Variants in KCNMB2 observed in about 807,000 individuals in gnomAD.
The protein encoded by KCNMB2 is calcium-activated potassium channel subunit beta-2.
A neutral mutation model predicts 24.5 loss-of-function variants in KCNMB2; 9 were observed. That is an observed-to-expected ratio of 0.37 (90% CI 0.22 to 0.64). KCNMB2 has a LOEUF of 0.64. KCNMB2 is among the 30% of genes least tolerant of loss of function. KCNMB2 has a pLI of 0.63. For synonymous variants in KCNMB2, 109 were observed against 104.4 expected, an observed-to-expected ratio of 1.04 and a Z score of -0.27; for missense variants, 226 against 284.3, an observed-to-expected ratio of 0.79 and a Z score of 1.47.
rs183852653 is a variant in KCNMB2 at position 178,680,402 on chromosome 3, G to C, written c.-67-126941G>C. 4.6e-5 allele frequency among the ~76,000 whole-genome samples: 7 copies of C among 152,202 alleles called. No homozygotes were observed. The East Asian group carries it at 1.4e-3, about 29-fold the overall frequency. ...CACCTACCTGTGCTATCTGGAGGCT[G>C]GTTGTCACTCACCTGGGCTATTCTT... On this transcript the variant is annotated intron_variant, in intron 1 of 4. Coordinates refer to ENST00000452583, the MANE Select transcript of KCNMB2 (RefSeq NM_181361.3).
At chr3:178,825,496 C>A in intron 2 of KCNMB2, 92 bp from the exon 3 acceptor site, 2 of 1,065,182 alleles carry the variant, frequency 1.9e-6, no homozygotes, top group Non-Finnish European at 2.8e-6. Flanking sequence ...GTTTGGAGGG[C>A]CCTAGGAAGG....
chr3:178,754,161 T>TAC (rs1723942870), intron 1 of KCNMB2, among the ~76,000 whole-genome samples: 1 of 77,732 alleles, frequency 1.3e-5, no homozygotes, highest in Admixed American at 1.2e-4. Flanking sequence ...TATATATATA[T>TAC]ATATATATAT....
At chr3:178,694,951 C>T (rs997432543) in intron 1 of KCNMB2, among the ~76,000 whole-genome samples, 38 of 152,242 alleles carry the variant, frequency 2.5e-4, no homozygotes, top group African/African-American at 8.9e-4. Flanking sequence ...TGTGGTGGCT[C>T]CAACCCCAGA....
chr3:178,759,082 C>A (rs1577161253), intron 1 of KCNMB2, among the ~76,000 whole-genome samples: 1 of 7,030 alleles, frequency 1.4e-4, no homozygotes, highest in Non-Finnish European at 2.1e-4. Context: ...TATATATCTC[C>A]AAGAGGGATA....
chr3:178,665,186 C>A (rs1449576475), intron 1 of KCNMB2, among the ~76,000 whole-genome samples: 3 of 152,112 alleles, frequency 2.0e-5, no homozygotes, highest in Non-Finnish European at 4.4e-5. Flanking sequence ...TCTGATCAAC[C>A]TTTAAGGTTC....
intron 1 of KCNMB2, among the ~76,000 whole-genome samples, chr3:178,676,761 C>T (rs1040449135): frequency 6.7e-6 from 1 of 150,148 alleles, no homozygotes; most frequent in African/African-American, 2.5e-5. Context: ...TTGCATGCTA[C>T]ACAACTTTCT....
chr3:178,592,935 C>T lies in KCNMB2; in HGVS notation c.-68+56224C>T, dbSNP rs187287424. ...TGCTTTAACGTGGTCCCAGAAAACA[C>T]CATTTAATATTCCAAATGTTTTGGC... On this transcript the variant is annotated intron_variant, in intron 1 of 4. Coordinates refer to ENST00000452583, the MANE Select transcript of KCNMB2 (RefSeq NM_181361.3). 3.4e-3 allele frequency among the ~76,000 whole-genome samples: 517 copies of T among 152,114 alleles called. 4 individuals are homozygous for T. Among genetic ancestry groups the T allele is most frequent in the African/African-American group, 0.012 (492 of 41,502 alleles).
chr3:178,693,248 T>C (rs1018406283), intron 1 of KCNMB2, among the ~76,000 whole-genome samples: 2 of 152,238 alleles, frequency 1.3e-5, no homozygotes, highest in African/African-American at 2.4e-5. Flanking sequence ...TATTTCTTTC[T>C]TTTGCCTGAT....
chr3:178,843,375 G>A lies in KCNMB2; in HGVS notation c.*438G>A, dbSNP rs1297560378. 3.5e-6 allele frequency: 1 copy of A among 283,560 alleles called. No individual in the cohort carries two copies. The highest frequency in any genetic ancestry group is 7.1e-6 in the Non-Finnish European group (1 of 141,428). The allele number at this position is 283,560 out of a possible 1,614,324, so 17.6% of individuals were successfully genotyped here. A position where few individuals can be genotyped will look rare whatever the true frequency, so the allele number is the denominator to read the frequency against. ...ATTTTTTTTTCTTATTCTAAACTGA[G>A]CCCTATAGCAAGTGAAGGGACCAGA... On this transcript the variant is annotated 3_prime_UTR_variant, in exon 5 of 5. Coordinates refer to ENST00000452583, the MANE Select transcript of KCNMB2 (RefSeq NM_181361.3).
At chr3:178,710,754 C>G (rs567659123) in intron 1 of KCNMB2, among the ~76,000 whole-genome samples, 1 of 152,216 alleles carries the variant, frequency 6.6e-6, no homozygotes, top group Admixed American at 6.5e-5. Flanking sequence ...TAGAAAGCAC[C>G]TTGAAAGTTT....
At chr3:178,734,827 C>G (rs375905412) in intron 1 of KCNMB2, among the ~76,000 whole-genome samples, 1 of 152,182 alleles carries the variant, frequency 6.6e-6, no homozygotes, top group African/African-American at 2.4e-5. Flanking sequence ...CCAAGAACCA[C>G]TTTTGTCTCA....
chr3:178,645,032 T>C (rs1482904810), intron 1 of KCNMB2, among the ~76,000 whole-genome samples: 1 of 151,264 alleles, frequency 6.6e-6, no homozygotes, highest in East Asian at 1.9e-4. Flanking sequence ...CCCTCCCTTG[T>C]TTAAGATCCA....
chr3:178,602,629 G>A (rs1481675954), intron 1 of KCNMB2, among the ~76,000 whole-genome samples: 1 of 152,084 alleles, frequency 6.6e-6, no homozygotes, highest in South Asian at 2.1e-4. Flanking sequence ...AGCCAGCCAG[G>A]TGGAAAGGAA....
chr3:178,682,272 G>A (rs1209153983), intron 1 of KCNMB2, among the ~76,000 whole-genome samples: 1 of 152,192 alleles, frequency 6.6e-6, no homozygotes, highest in Non-Finnish European at 1.5e-5. Flanking sequence ...TTGTTGTGGA[G>A]ATAAAGAGAG....
chr3:178,675,328 A>T (rs1577088905), intron 1 of KCNMB2, among the ~76,000 whole-genome samples: 1 of 152,208 alleles, frequency 6.6e-6, no homozygotes, highest in African/African-American at 2.4e-5. Flanking sequence ...GTTTGAAACA[A>T]AGGATCTTAT....
At chr3:178,625,755 A>G (rs1013205967) in intron 1 of KCNMB2, among the ~76,000 whole-genome samples, 1 of 152,204 alleles carries the variant, frequency 6.6e-6, no homozygotes, top group African/African-American at 2.4e-5. Flanking sequence ...TCAACTCCTC[A>G]AAATGGACTA....
chr3:178,550,457 CAAAAA>C (rs71671909), intron 1 of KCNMB2, among the ~76,000 whole-genome samples: 7 of 46,018 alleles, frequency 1.5e-4, no homozygotes, highest in African/African-American at 4.0e-4. Context: ...GACTCCGTCT[CAAAAA>C]AAAAAAAAAA....
intron 1 of KCNMB2, among the ~76,000 whole-genome samples, chr3:178,691,927 C>CT (rs1486182528): frequency 1.3e-5 from 2 of 152,066 alleles, no homozygotes; most frequent in Admixed American, 1.3e-4. Context: ...TATTTTTTGA[C>CT]TTTTTAATAA....
chr3:178,712,019 C>T (rs112542297), intron 1 of KCNMB2, among the ~76,000 whole-genome samples: 6 of 152,074 alleles, frequency 3.9e-5, no homozygotes, highest in Admixed American at 3.9e-4. Flanking sequence ...AAAATTTTGC[C>T]GTTGTCACTG....
Sources: gnomAD v4.1 joint callset for allele counts (sites outside exome capture counted in the v4.1 genomes callset) on GRCh38, gnomAD v4.1.1 for gene constraint, MANE v1.5 for transcripts, NCBI Gene and HGNC (gene_info 2026-07-23, HGNC 2026-07-21) for gene names.